The following SWAP70 variants were observed in gnomAD, a reference collection of about 807,000 sequenced individuals.
The protein encoded by SWAP70 is switch-associated protein 70.
SWAP70 carries 34 observed loss-of-function variants against 80.2 expected under a neutral mutation model. That is an observed-to-expected ratio of 0.42 (90% CI 0.32 to 0.56). The LOEUF (loss-of-function observed/expected upper bound fraction) is 0.56. SWAP70 is among the 20% of genes least tolerant of loss of function. The pLI is 0.09. For missense variants in SWAP70, 578 were observed against 690.7 expected (o/e 0.84, Z 1.83); for synonymous variants, 239 against 238.5 (o/e 1.00, Z -0.02).
At chr11:9,737,058 C>G (rs1268144501) in intron 7 of SWAP70, among the ~76,000 whole-genome samples, 1 of 152,160 alleles carries the variant, frequency 6.6e-6, no homozygotes, top group African/African-American at 2.4e-5. Flanking sequence ...ACCAACAAAC[C>G]AACAACACTT....
Position 9,713,499 on chromosome 11 carries a change from A to G in SWAP70, c.274A>G (p.Arg92Gly), listed in dbSNP as rs1851025986. 1 of 1,612,926 alleles carries G rather than the reference A, an allele frequency of 6.2e-7. No individual in the cohort carries two copies. Among genetic ancestry groups the G allele is most frequent in the African/African-American group, 1.3e-5 (1 of 74,832 alleles). ...QDNFDKIEFN[R>G]MCWTLCVKKN... is the part of the protein sequence containing the mutation. ...CAACTTTGACAAGATTGAATTCAAT[A>G]GGATGTGTTGGACCCTCTGTGTCAA... The change falls in exon 3 of 12, where the codon AGG (arginine) becomes GGG (glycine). Residue 92 changes from arginine to glycine, a missense_variant. By Grantham distance (125) the Arg-to-Gly change is moderately radical (BLOSUM62 -2). Coordinates refer to ENST00000318950, the MANE Select transcript of SWAP70 (RefSeq NM_015055.4).
At chr11:9,668,839 A>G (rs1377669097) in intron 1 of SWAP70, among the ~76,000 whole-genome samples, 1 of 152,194 alleles carries the variant, frequency 6.6e-6, no homozygotes, top group African/African-American at 2.4e-5. Context: ...TGACACAGAG[A>G]ATGGATATAT....
At chr11:9,712,387 A>G (rs1487886881) in intron 2 of SWAP70, among the ~76,000 whole-genome samples, 1 of 152,190 alleles carries the variant, frequency 6.6e-6, no homozygotes, top group African/African-American at 2.4e-5. Context: ...TTTTAAGAGC[A>G]CAGACCTAGT....
In SWAP70 at chr11:9,738,204, A is replaced by T; in HGVS notation, c.1081-9A>T. 5.0e-6 allele frequency: 8 copies of T among 1,597,430 alleles called. No individual in the cohort carries two copies. The highest frequency in any genetic ancestry group is 6.8e-6 in the Non-Finnish European group (8 of 1,172,784). On this transcript the variant is annotated splice_polypyrimidine_tract_variant and intron_variant, in intron 7 of 11. Transcript: ENST00000318950. ...CTGCTTTTCTGTGGATGGGTTTTTG[A>T]TTGGCTAGAAACTGGAGGAAGCAGC...
At chr11:9,667,794 C>G (rs374210270) in intron 1 of SWAP70, among the ~76,000 whole-genome samples, 1 of 152,248 alleles carries the variant, frequency 6.6e-6, no homozygotes, top group East Asian at 1.9e-4. Context: ...TTCCTGAGCT[C>G]AGACTATATG....
intron 1 of SWAP70, chr11:9,681,166 C>T (rs1850563582): frequency 6.6e-6 from 1 of 152,238 alleles, no homozygotes; most frequent in African/African-American, 2.4e-5. Flanking sequence ...CTCTCAAGGT[C>T]TTGAGAGAAT....
At chr11:9,713,229 A>G (rs1016851439) in intron 2 of SWAP70, among the ~76,000 whole-genome samples, 2 of 152,198 alleles carry the variant, frequency 1.3e-5, no homozygotes, top group Non-Finnish European at 2.9e-5. Context: ...AGAGGTCAGT[A>G]TTTTATGTGC....
chr11:9,747,731 T>C lies in SWAP70; in HGVS notation c.1356-127T>C, dbSNP rs1047138841. ...TGAGCTTCTCTGGCTCCTGCTTTCCTCCTGGTGGAATGAAAGGGGGATTAG... is the reference window on the plus strand; with the variant it reads ...TGAGCTTCTCTGGCTCCTGCTTTCCCCCTGGTGGAATGAAAGGGGGATTAG... On this transcript the variant is annotated intron_variant, in intron 9 of 11. Coordinates refer to ENST00000318950, the MANE Select transcript of SWAP70 (RefSeq NM_015055.4). The C allele has an allele frequency of 6.8e-6, 6 of 883,138 alleles. No individual in the cohort carries two copies. In the African/African-American group the frequency reaches 9.9e-5, roughly 15 times the overall value. 54.7% of individuals were successfully genotyped at this position (883,138 alleles called of 1,614,324 possible).
chr11:9,674,740 G>A (rs910512955), intron 1 of SWAP70, among the ~76,000 whole-genome samples: 7 of 151,892 alleles, frequency 4.6e-5, no homozygotes, highest in African/African-American at 1.5e-4. Flanking sequence ...CGAGGTGGGC[G>A]GATCACGAGG....
intron 4 of SWAP70, among the ~76,000 whole-genome samples, chr11:9,727,529 C>T (rs181236324): frequency 9.3e-4 from 140 of 149,852 alleles, no homozygotes; most frequent in African/African-American, 3.2e-3. Context: ...CAGGCCTGAT[C>T]GAGGTTTTAA....
chr11:9,744,156 G>C (rs564107175), intron 9 of SWAP70, among the ~76,000 whole-genome samples: 1 of 152,158 alleles, frequency 6.6e-6, no homozygotes, highest in Admixed American at 6.5e-5. Flanking sequence ...TAGAGACGGG[G>C]TTTAACCGTG....
chr11:9,686,430 G>A (rs903356114), intron 1 of SWAP70, among the ~76,000 whole-genome samples: 1 of 151,338 alleles, frequency 6.6e-6, no homozygotes, highest in African/African-American at 2.4e-5. Flanking sequence ...GCACCATCAC[G>A]ACTCACTGCA....
chr11:9,683,303 G>A (rs901551132), intron 1 of SWAP70, among the ~76,000 whole-genome samples: 2 of 151,800 alleles, frequency 1.3e-5, no homozygotes, highest in Admixed American at 1.3e-4. Flanking sequence ...GGTGAGGGGT[G>A]GGGGATGGTG....
chr11:9,692,254 A>T (rs1850706269), intron 1 of SWAP70, among the ~76,000 whole-genome samples: 1 of 150,112 alleles, frequency 6.7e-6, no homozygotes, highest in African/African-American at 2.4e-5. Flanking sequence ...TTTTAAAAAT[A>T]TGTACTACAT....
Position 9,749,878 on chromosome 11 carries a change from C to T in SWAP70, c.1666C>T (p.His556Tyr). The T allele has an allele frequency of 6.2e-7, 1 of 1,612,652 alleles. No homozygotes were observed. The highest frequency in any genetic ancestry group is 8.5e-7 in the Non-Finnish European group (1 of 1,178,684). ...RLIEPGSKNP[H>Y]LITNWGPAAF... Reference sequence around the variant, plus strand: ...TTGCCTCTTAGGTTCAAAGAACCCTCACCTGATCACTAACTGGGGACCTGC... The same window carrying T: ...TTGCCTCTTAGGTTCAAAGAACCCTTACCTGATCACTAACTGGGGACCTGC... The change falls in exon 12 of 12, where the codon CAC becomes TAC. Residue 556 changes from histidine to tyrosine, a missense_variant. By Grantham distance (83) the His-to-Tyr change is moderately conservative. Coordinates refer to ENST00000318950, the MANE Select transcript of SWAP70 (RefSeq NM_015055.4).
At chr11:9,683,022 ATTGATCTT>A (rs1850587126) in intron 1 of SWAP70, among the ~76,000 whole-genome samples, 1 of 152,226 alleles carries the variant, frequency 6.6e-6, no homozygotes, top group Non-Finnish European at 1.5e-5. Context: ...AGGGTTGAAA[ATTGATCTT>A]TGGGAAATGA....
At chr11:9,673,842 G>A (rs1850450804) in intron 1 of SWAP70, among the ~76,000 whole-genome samples, 1 of 152,098 alleles carries the variant, frequency 6.6e-6, no homozygotes, top group South Asian at 2.1e-4. Context: ...AAAAAGGGCA[G>A]AAGGTCAGAG....
chr11:9,731,962 G>T (rs997447205), intron 6 of SWAP70, among the ~76,000 whole-genome samples: 1 of 152,198 alleles, frequency 6.6e-6, no homozygotes, highest in African/African-American at 2.4e-5. Context: ...ATAACAGTTA[G>T]ATAATGCATG....
intron 3 of SWAP70, among the ~76,000 whole-genome samples, chr11:9,717,343 A>C (rs1158898051): frequency 2.6e-5 from 4 of 152,226 alleles, no homozygotes; most frequent in Non-Finnish European, 5.9e-5. Context: ...TAAAATTTAC[A>C]GTATTTTAGG....
Sources: allele counts gnomAD v4.1 joint callset (sites outside exome capture counted in the v4.1 genomes callset), GRCh38; gene constraint gnomAD v4.1.1; transcripts MANE v1.5; gene names NCBI Gene and HGNC (gene_info 2026-07-23, HGNC 2026-07-21).